Variants in PLA2G4A observed in about 807,000 individuals in gnomAD.
The protein encoded by PLA2G4A is phospholipase A2 group IVA.
Under a neutral mutation model 81.9 loss-of-function variants are expected in PLA2G4A, and 40 were observed. The ratio of observed to expected loss-of-function variants is 0.49; its 90% CI spans 0.38 to 0.64. The LOEUF is 0.64. Among genes scored for constraint, PLA2G4A ranks in the 30% least tolerant of loss-of-function variants. PLA2G4A has a pLI of 0.00. For synonymous variants in PLA2G4A, 302 were observed against 296.9 expected, an observed-to-expected ratio of 1.02 and a Z score of -0.18; for missense variants, 715 against 905.1, an observed-to-expected ratio of 0.79 and a Z score of 2.69.
At chr1:186,938,882 G>T in intron 8 of PLA2G4A, 126 bp from the exon 9 acceptor site, 2 of 694,384 alleles carry the variant, frequency 2.9e-6, no homozygotes, top group Non-Finnish European at 5.3e-6. Context: ...TTTAATATCT[G>T]CAATCAGATA....
At chr1:186,947,446 C>T (rs1478937310) in intron 12 of PLA2G4A, among the ~76,000 whole-genome samples, 1 of 152,056 alleles carries the variant, frequency 6.6e-6, no homozygotes, top group Non-Finnish European at 1.5e-5. Flanking sequence ...ACCTCTAGTA[C>T]ACTTAAACTA....
At chr1:186,858,950 TA>T (rs890024712) in intron 2 of PLA2G4A, among the ~76,000 whole-genome samples, 15 of 151,934 alleles carry the variant, frequency 9.9e-5, no homozygotes, top group Middle Eastern at 3.4e-3. Context: ...TAAATTGTTT[TA>T]AAAAAAATTT....
At position 186,978,711 on chromosome 1, in the gene PLA2G4A, A is replaced by T. The variant is rs548776830; in HGVS notation, c.1961-604A>T. 9.2e-4 allele frequency among the ~76,000 whole-genome samples: 140 copies of T among 152,264 alleles called. 1 individual carries two copies. Among genetic ancestry groups the T allele is most frequent in the African/African-American group, 3.1e-3 (129 of 41,542 alleles). The stretch of plus-strand genomic sequence containing the variant: ...TTCCATGGCATAAAGACAGCCACAT[A>T]ATGTTTTAGTTTGGGTTCTCCCAGA... On this transcript the variant is annotated intron_variant, in intron 16 of 17. Transcript: ENST00000367466.
intron 1 of PLA2G4A, among the ~76,000 whole-genome samples, chr1:186,850,530 T>C (rs9645303): frequency 0.84 from 126,919 of 151,674 alleles, 53,260 homozygotes; most frequent in African/African-American, 0.9. Context: ...AAGTCTTATA[T>C]ACTATTGTTT....
intron 2 of PLA2G4A, among the ~76,000 whole-genome samples, chr1:186,868,794 G>T (rs1653129146): frequency 6.6e-6 from 1 of 151,964 alleles, no homozygotes; most frequent in African/African-American, 2.4e-5. Flanking sequence ...ATTTCATCTA[G>T]GTTATCAAAT....
Position 186,977,755 on chromosome 1 carries a change from G to T in PLA2G4A, c.1927G>T (p.Ala643Ser), listed in dbSNP as rs753662765. Residue 643 changes from alanine (A) to serine (S), a missense_variant, in exon 16 of 18, where the codon GCC becomes TCC. By Grantham distance (99) the Ala-to-Ser change is moderately conservative. Coordinates refer to ENST00000367466, the MANE Select transcript of PLA2G4A (RefSeq NM_024420.3). Reference protein sequence around the residue: ...DCPTIIHFVLANINFRKYRAP... With the variant: ...DCPTIIHFVLSNINFRKYRAP... ...CCCAACCATCATCCACTTTGTTCTG[G>T]CCAACATCAACTTCAGAAAGTACAG... 1.2e-6 allele frequency: 2 copies of T among 1,613,438 alleles called. No individual in the cohort carries two copies. The highest frequency in any genetic ancestry group is 2.2e-5 in the South Asian group (2 of 91,070).
At chr1:186,982,695 G>C (rs1158575495) in intron 17 of PLA2G4A, among the ~76,000 whole-genome samples, 4 of 152,192 alleles carry the variant, frequency 2.6e-5, no homozygotes, top group Non-Finnish European at 5.9e-5. Flanking sequence ...GTGTGTGTGT[G>C]TGTGTGTGTT....
chr1:186,963,998 A>G (rs1457330265), intron 14 of PLA2G4A, among the ~76,000 whole-genome samples: 1 of 152,232 alleles, frequency 6.6e-6, no homozygotes, highest in African/African-American at 2.4e-5. Flanking sequence ...AAAACTGACT[A>G]TAGGAGAATT....
At chr1:186,949,955 G>A (rs1656498666) in intron 12 of PLA2G4A, among the ~76,000 whole-genome samples, 1 of 152,118 alleles carries the variant, frequency 6.6e-6, no homozygotes, top group South Asian at 2.1e-4. Flanking sequence ...ACGGTTGCTT[G>A]AGCCCAGAGG....
intron 14 of PLA2G4A, among the ~76,000 whole-genome samples, chr1:186,961,791 T>C (rs1234733360): frequency 6.6e-6 from 1 of 152,332 alleles, no homozygotes; most frequent in East Asian, 1.9e-4. Flanking sequence ...AATTATACTT[T>C]CATTAGATTA....
chr1:186,873,445 AC>A (rs1308920495), intron 3 of PLA2G4A, among the ~76,000 whole-genome samples: 1 of 152,106 alleles, frequency 6.6e-6, no homozygotes, highest in East Asian at 1.9e-4. Flanking sequence ...TAGTGTCTGC[AC>A]TTATTTATAA....
chr1:186,881,894 TC>T (rs1653747271), intron 3 of PLA2G4A, among the ~76,000 whole-genome samples: 1 of 152,030 alleles, frequency 6.6e-6, no homozygotes, highest in Non-Finnish European at 1.5e-5. Context: ...TGTTCCTATA[TC>T]TCAGACTTCA....
chr1:186,952,606 A>G (rs2207211), intron 13 of PLA2G4A, among the ~76,000 whole-genome samples: 141,747 of 152,142 alleles, frequency 0.93, 66,107 homozygotes, highest in East Asian at 1. Context: ...ACTCACTGTT[A>G]GTGTATATTC....
chr1:186,958,057 G>C (rs956368756), intron 14 of PLA2G4A, among the ~76,000 whole-genome samples: 1 of 152,054 alleles, frequency 6.6e-6, no homozygotes, highest in Non-Finnish European at 1.5e-5. Flanking sequence ...TGTTGTTTTG[G>C]TATTGTTGTT....
Position 186,893,079 on chromosome 1 carries a change from C to A in PLA2G4A, c.184C>A (p.His62Asn). The change falls in exon 4 of 18, where the codon CAT (histidine) becomes AAT (asparagine). Residue 62 changes from histidine (H) to asparagine (N), a missense_variant. His to Asn is a moderately conservative substitution (Grantham distance 68). Transcript: ENST00000367466. The stretch of plus-strand genomic sequence containing the variant: ...CCCTGACAGCAGGAAGAGAACAAGA[C>A]ATTTCAATAATGACATAAACCCTGT... ...TTPDSRKRTRHFNNDINPVWN... is the reference protein window; with the variant it reads ...TTPDSRKRTRNFNNDINPVWN... 6.2e-7 allele frequency: 1 copy of A among 1,608,530 alleles called. No individual in the cohort carries two copies. Among genetic ancestry groups the A allele is most frequent in the Non-Finnish European group, 8.5e-7 (1 of 1,174,872 alleles).
At chr1:186,886,851 A>C (rs1264228197) in intron 3 of PLA2G4A, among the ~76,000 whole-genome samples, 1 of 152,160 alleles carries the variant, frequency 6.6e-6, no homozygotes, top group East Asian at 1.9e-4. Flanking sequence ...CTCAATGTCA[A>C]AATGTTTGTA....
intron 1 of PLA2G4A, among the ~76,000 whole-genome samples, chr1:186,847,796 A>G (rs1204767711): frequency 6.6e-6 from 1 of 152,070 alleles, no homozygotes; most frequent in Non-Finnish European, 1.5e-5. Context: ...CTAATTCCCA[A>G]TCAAGAGAGG....
chr1:186,948,456 C>T (rs981120290), intron 12 of PLA2G4A, among the ~76,000 whole-genome samples: 4 of 151,682 alleles, frequency 2.6e-5, no homozygotes, highest in Non-Finnish European at 5.9e-5. Context: ...AGATGAATGT[C>T]CTGTTCCCAA....
intron 15 of PLA2G4A, among the ~76,000 whole-genome samples, chr1:186,974,622 G>T (rs1444134897): frequency 1.3e-5 from 2 of 152,228 alleles, no homozygotes; most frequent in Admixed American, 6.5e-5. Context: ...GTCTATGGAA[G>T]TGTGAAGTAT....
Sources: gnomAD v4.1 joint callset for allele counts (sites outside exome capture counted in the v4.1 genomes callset) on GRCh38, gnomAD v4.1.1 for gene constraint, MANE v1.5 for transcripts, NCBI Gene and HGNC (gene_info 2026-07-23, HGNC 2026-07-21) for gene names.